Variants in PRKG1 observed in about 807,000 individuals in gnomAD.
PRKG1 encodes the protein cGMP-dependent protein kinase 1.
PRKG1 carries 35 observed loss-of-function variants against 88.1 expected under a neutral mutation model. The ratio of observed to expected loss-of-function variants is 0.40; its 90% confidence interval spans 0.30 to 0.53. The LOEUF (loss-of-function observed/expected upper bound fraction) is 0.53, where lower values mean the gene tolerates loss of function less well. Ranked by LOEUF, PRKG1 falls within the 20% of genes least tolerant of loss-of-function variation. The pLI is 0.59. For missense variants in PRKG1, 540 were observed against 839.8 expected, an observed-to-expected ratio of 0.64 and a Z score of 4.41; for synonymous variants, 303 against 292.5, an observed-to-expected ratio of 1.04 and a Z score of -0.37.
Position 51,809,428 on chromosome 10 carries a change from G to GA in PRKG1, c.698+4743dup, listed in dbSNP as rs1266146285. Among the ~76,000 whole-genome samples, 18 of 152,264 alleles carry GA rather than the reference G, an allele frequency of 1.2e-4. No homozygotes were observed. In the East Asian group the frequency reaches 2.9e-3, roughly 25 times the overall value. On this transcript the variant is annotated intron_variant, in intron 4 of 17. Coordinates refer to ENST00000373980, the MANE Select transcript of PRKG1 (RefSeq NM_006258.4). ...TACTGTTGTTTTTAAGACAGATTCTGAAAAATGAGCCAAATAACTGCCAGA... is the reference window on the plus strand; with the variant it reads ...TACTGTTGTTTTTAAGACAGATTCTGAAAAAATGAGCCAAATAACTGCCAGA...
At chr10:51,555,112 C>CT (rs1304341718) in intron 3 of PRKG1, among the ~76,000 whole-genome samples, 3 of 151,880 alleles carry the variant, frequency 2.0e-5, no homozygotes, top group African/African-American at 7.2e-5. Context: ...CCTAGGATTA[C>CT]TTTTTTGCTA....
chr10:51,477,318 G>A (rs1212820228), intron 3 of PRKG1, among the ~76,000 whole-genome samples: 1 of 149,906 alleles, frequency 6.7e-6, no homozygotes, highest in African/African-American at 2.5e-5. Flanking sequence ...GGAATTCTTG[G>A]CAAACTAGAT....
intron 4 of PRKG1, among the ~76,000 whole-genome samples, chr10:51,832,565 A>G (rs1840029508): frequency 3.3e-5 from 5 of 152,134 alleles, no homozygotes; most frequent in Admixed American, 3.3e-4. Flanking sequence ...ATTTTTTTCC[A>G]CCCTCTGTAG....
At chr10:51,939,413 T>C (rs1443768065) in intron 5 of PRKG1, among the ~76,000 whole-genome samples, 1 of 151,958 alleles carries the variant, frequency 6.6e-6, no homozygotes, top group Non-Finnish European at 1.5e-5. Flanking sequence ...CCACAAAAAA[T>C]AAAATCCACA....
intron 3 of PRKG1, among the ~76,000 whole-genome samples, chr10:51,602,725 A>AATATAT (rs140820105): frequency 1.7e-5 from 1 of 59,862 alleles, no homozygotes; most frequent in African/African-American, 8.8e-5. Flanking sequence ...GGCTTTGATT[A>AATATAT]ATATATATGT....
chr10:51,469,595 C>T (rs1374318810), intron 3 of PRKG1, among the ~76,000 whole-genome samples: 1 of 151,796 alleles, frequency 6.6e-6, no homozygotes, highest in Admixed American at 6.6e-5. Flanking sequence ...TCTGATTTGG[C>T]AAATTTAAAT....
At chr10:51,907,691 T>A in intron 5 of PRKG1, 121 bp downstream of exon 5, 1 of 774,898 alleles carries the variant, frequency 1.3e-6, no homozygotes, top group Non-Finnish European at 2.1e-6. Context: ...TTCTAAGCTC[T>A]GGGATGAGCT....
intron 3 of PRKG1, among the ~76,000 whole-genome samples, chr10:51,615,623 TCA>T (rs1427352055): frequency 6.6e-6 from 1 of 151,526 alleles, no homozygotes; most frequent in African/African-American, 2.4e-5. Context: ...TCTATTTTGT[TCA>T]ATGAAATCTT....
intron 3 of PRKG1, among the ~76,000 whole-genome samples, chr10:51,565,611 A>G (rs915403700): frequency 5.3e-5 from 8 of 152,128 alleles, no homozygotes; most frequent in Non-Finnish European, 8.8e-5. Context: ...TAAAGTGGAT[A>G]TGAACTTGAA....
intron 7 of PRKG1, among the ~76,000 whole-genome samples, chr10:52,123,907 G>C (rs1275920375): frequency 1.3e-5 from 2 of 151,866 alleles, no homozygotes; most frequent in East Asian, 3.9e-4. Flanking sequence ...TCTTCTCTGT[G>C]TTCTATGGTC....
intron 8 of PRKG1, among the ~76,000 whole-genome samples, chr10:52,147,516 C>T (rs1402202795): frequency 2.0e-5 from 3 of 152,256 alleles, no homozygotes; most frequent in Middle Eastern, 3.4e-3. Flanking sequence ...TATTGGAATT[C>T]CAGGCCTGTC....
intron 3 of PRKG1, among the ~76,000 whole-genome samples, chr10:51,649,894 A>T (rs1839998532): frequency 6.6e-6 from 1 of 152,224 alleles, no homozygotes; most frequent in Non-Finnish European, 1.5e-5. Context: ...AAATGAAGTT[A>T]CAAAGGTCAC....
intron 3 of PRKG1, among the ~76,000 whole-genome samples, chr10:51,614,278 G>T (rs535236153): frequency 1.3e-5 from 2 of 151,862 alleles, no homozygotes; most frequent in East Asian, 3.9e-4. Context: ...TTGCCTTAAA[G>T]TCTGTTTTAC....
chr10:52,003,101 G>T (rs185816679), intron 5 of PRKG1, among the ~76,000 whole-genome samples: 39 of 152,170 alleles, frequency 2.6e-4, no homozygotes, highest in Admixed American at 1.2e-3. Flanking sequence ...TTCTTTCCTG[G>T]TTCCATCCCG....
intron 3 of PRKG1, among the ~76,000 whole-genome samples, chr10:51,562,977 A>T (rs1468370206): frequency 1.3e-5 from 2 of 151,554 alleles, no homozygotes; most frequent in Admixed American, 6.6e-5. Flanking sequence ...ACAGGGTCTC[A>T]TTATGTTGCC....
At chr10:51,746,784 AAAG>A (rs1837592960) in intron 3 of PRKG1, among the ~76,000 whole-genome samples, 1 of 152,032 alleles carries the variant, frequency 6.6e-6, no homozygotes, top group Non-Finnish European at 1.5e-5. Flanking sequence ...AGAAAAGAAA[AAAG>A]AAAGCATTTG....
At chr10:52,189,886 T>C (rs1213514555) in intron 9 of PRKG1, among the ~76,000 whole-genome samples, 3 of 152,378 alleles carry the variant, frequency 2.0e-5, no homozygotes, top group Middle Eastern at 3.4e-3. Flanking sequence ...GTCAGCTTTT[T>C]AGAGCCACAT....
In PRKG1 at chr10:51,315,881, A is replaced by C. The variant is rs142561690; in HGVS notation, c.479-151842A>C. ...TGAGTAGGTCCTGTTTGGATAACTCATTTGTCTGCATCTAATCTGTATCCT... is the reference window on the plus strand; with the variant it reads ...TGAGTAGGTCCTGTTTGGATAACTCCTTTGTCTGCATCTAATCTGTATCCT... On this transcript the variant is annotated intron_variant, in intron 2 of 17. Coordinates refer to ENST00000373980, the MANE Select transcript of PRKG1 (RefSeq NM_006258.4). 3.3e-5 allele frequency among the ~76,000 whole-genome samples: 5 copies of C among 152,290 alleles called. No homozygotes were observed. In the East Asian group the frequency reaches 9.6e-4, roughly 29 times the overall value.
intron 3 of PRKG1, among the ~76,000 whole-genome samples, chr10:51,746,244 C>G (rs183271249): frequency 6.6e-6 from 1 of 151,980 alleles, no homozygotes; most frequent in Non-Finnish European, 1.5e-5. Flanking sequence ...AAAGCCAAAC[C>G]GAACAAGCAA....
Sources: allele counts gnomAD v4.1 joint callset (sites outside exome capture counted in the v4.1 genomes callset), GRCh38; gene constraint gnomAD v4.1.1; transcripts MANE v1.5; gene names NCBI Gene and HGNC (gene_info 2026-07-23, HGNC 2026-07-21).